USH2A: variants seen among roughly 807,000 people sequenced by gnomAD.
USH2A encodes Usher syndrome 2A (autosomal recessive, mild).
In USH2A, 443 loss-of-function variants were observed where a neutral mutation model predicts 538.9. The ratio of observed to expected loss-of-function variants is 0.82; its 90% CI spans 0.76 to 0.89. USH2A has a LOEUF of 0.89. Among genes scored for constraint, USH2A ranks in the 40% least tolerant of loss-of-function variants. The pLI is 0.00. For missense variants in USH2A, 6,633 were observed against 6,324.8 expected (o/e 1.05, Z -1.65); for synonymous variants, 2,413 against 2,273.5 (o/e 1.06, Z -1.75).
Position 215,900,855 on chromosome 1 carries a change from G to A in USH2A, c.7351C>T (p.Leu2451Phe), listed in dbSNP as rs753696702. The A allele has an allele frequency of 1.2e-6, 2 of 1,613,672 alleles. No homozygotes were observed. Among genetic ancestry groups the A allele is most frequent in the South Asian group, 1.1e-5 (1 of 91,086 alleles). Residue 2451 changes from leucine to phenylalanine, a missense_variant, in exon 39 of 72, where the codon CTT becomes TTT. Physicochemically the swap from Leu to Phe is conservative, Grantham distance 22 (BLOSUM62 0). Coordinates refer to ENST00000307340, the MANE Select transcript of USH2A (RefSeq NM_206933.4). ...GCTGGTGTAGACCAGACAACCTGAA[G>A]ACTGGTTGGAGTGGCAGATGAAAGC... ...PRLSSATPTSLQVVWSTPARN... is the reference protein window; with the variant it reads ...PRLSSATPTSFQVVWSTPARN...
At chr1:216,207,500 A>G in intron 15 of USH2A, 69 bp from the exon 16 acceptor site, 1 of 1,587,894 alleles carries the variant, frequency 6.3e-7, no homozygotes, top group Non-Finnish European at 8.6e-7. Context: ...CTGAAGTAAG[A>G]TATCCAGCAA....
At position 215,996,533 on chromosome 1, in the gene USH2A, C is replaced by A. The variant is rs184385730; in HGVS notation, c.6657+2354G>T. Among the ~76,000 whole-genome samples, 84 of 129,808 alleles carry A rather than the reference C, an allele frequency of 6.5e-4. No individual in the cohort carries two copies. In the East Asian group the frequency reaches 0.019, roughly 29 times the overall value. The allele number at this position is 129,808 out of a possible 152,430, so 85.2% of individuals were successfully genotyped here. On this transcript the variant is annotated intron_variant, in intron 34 of 71. Transcript: ENST00000307340. ...CACATTTTATCACATTTCAAAATAG[C>A]CTTTGTTGAGAGTAGCAACATATTA...
intron 62 of USH2A, among the ~76,000 whole-genome samples, chr1:215,677,931 C>T (rs1465658053): frequency 6.6e-6 from 1 of 152,196 alleles, no homozygotes; most frequent in Admixed American, 6.5e-5. Flanking sequence ...CTAACTTGTT[C>T]ATCTTCCAGT....
chr1:216,011,574 C>T (rs528714589), intron 32 of USH2A, among the ~76,000 whole-genome samples: 1 of 152,174 alleles, frequency 6.6e-6, no homozygotes, highest in East Asian at 1.9e-4. Context: ...GAGCCAGGAC[C>T]ACACCCTGTA....
intron 32 of USH2A, among the ~76,000 whole-genome samples, chr1:216,021,243 A>G (rs988028702): frequency 6.6e-6 from 1 of 152,124 alleles, no homozygotes; most frequent in Non-Finnish European, 1.5e-5. Context: ...CTTGAATTGT[A>G]GCTCCCATAA....
intron 4 of USH2A, among the ~76,000 whole-genome samples, chr1:216,332,550 G>C (rs1259500022): frequency 6.6e-6 from 1 of 152,110 alleles, no homozygotes; most frequent in Non-Finnish European, 1.5e-5. Flanking sequence ...TCTCACCTCA[G>C]CTCGACTTTG....
chr1:215,672,586 C>A (rs1287516327), intron 63 of USH2A, among the ~76,000 whole-genome samples: 5 of 152,104 alleles, frequency 3.3e-5, no homozygotes, highest in Non-Finnish European at 7.3e-5. Flanking sequence ...CTGGGTTATC[C>A]GTGGTAGTTT....
At chr1:216,204,088 T>A (rs2035058904) in intron 16 of USH2A, 2 of 157,306 alleles carry the variant, frequency 1.3e-5, no homozygotes, top group South Asian at 4.1e-4. Context: ...TTTTTATTTT[T>A]AAATTTGATC....
intron 58 of USH2A, 146 bp downstream of exon 58, chr1:215,758,449 G>A (rs1660877017): frequency 2.2e-6 from 2 of 925,734 alleles, no homozygotes; most frequent in Admixed American, 2.3e-5. Flanking sequence ...ACACTTAGAA[G>A]TGTGGTTTAG....
chr1:216,089,542 G>T (rs2032243229), intron 22 of USH2A, among the ~76,000 whole-genome samples: 1 of 152,044 alleles, frequency 6.6e-6, no homozygotes, highest in African/African-American at 2.4e-5. Flanking sequence ...CTCAAAATGA[G>T]TTCTGAAGAT....
intron 21 of USH2A, among the ~76,000 whole-genome samples, chr1:216,122,950 A>C (rs17026117): frequency 0.017 from 2,627 of 152,270 alleles, 72 homozygotes; most frequent in African/African-American, 0.059. Context: ...CAGAAACTCC[A>C]ATTTATTTGA....
rs763441617 is a variant in USH2A, at chr1:215,640,713, A to G, written c.14813T>C (p.Phe4938Ser). The stretch of plus-strand genomic sequence containing the variant: ...CACAGACAAATTGCTGTCCACCGAA[A>G]ATGGGGCTCGGTACTGAGGCACTGT... The part of the protein sequence containing the change: ...QKELPQYRAP[F>S]SVDSNLSVVC... Residue 4938 changes from phenylalanine to serine, a missense_variant, in exon 68 of 72, where the codon TTT becomes TCT. By Grantham distance (155) the Phe-to-Ser change is radical. Coordinates refer to ENST00000307340, the MANE Select transcript of USH2A (RefSeq NM_206933.4). 6.2e-7 allele frequency: 1 copy of G among 1,613,926 alleles called. No homozygotes were observed. Among genetic ancestry groups the G allele is most frequent in the South Asian group, 1.1e-5 (1 of 91,040 alleles).
At chr1:216,227,658 T>C (rs534946608) in intron 14 of USH2A, among the ~76,000 whole-genome samples, 9 of 152,194 alleles carry the variant, frequency 5.9e-5, no homozygotes, top group Non-Finnish European at 1.3e-4. Context: ...TAAAAATGTG[T>C]GACAATGTAG....
chr1:216,147,572 T>C (rs2033736777), intron 21 of USH2A, among the ~76,000 whole-genome samples: 1 of 151,954 alleles, frequency 6.6e-6, no homozygotes, highest in Non-Finnish European at 1.5e-5. Context: ...ATTCTCAAAA[T>C]ACATTTTATT....
At chr1:216,190,901 T>C (rs2034702999) in intron 19 of USH2A, among the ~76,000 whole-genome samples, 1 of 152,068 alleles carries the variant, frequency 6.6e-6, no homozygotes, top group Non-Finnish European at 1.5e-5. Flanking sequence ...CCACGTTAAG[T>C]CAATTCTCAA....
intron 37 of USH2A, among the ~76,000 whole-genome samples, chr1:215,942,410 A>G (rs1410407405): frequency 6.6e-6 from 1 of 152,154 alleles, no homozygotes; most frequent in Non-Finnish European, 1.5e-5. Context: ...AGGAGAGTAA[A>G]CAAGGACATG....
intron 38 of USH2A, among the ~76,000 whole-genome samples, chr1:215,908,893 T>C (rs2102477114): frequency 6.6e-6 from 1 of 151,446 alleles, no homozygotes; most frequent in African/African-American, 2.4e-5. Flanking sequence ...GAACATTGAA[T>C]TTATACTACC....
intron 60 of USH2A, among the ~76,000 whole-genome samples, chr1:215,734,628 G>A (rs1043214989): frequency 2.0e-5 from 3 of 152,146 alleles, no homozygotes; most frequent in Non-Finnish European, 2.9e-5. Context: ...ATTGTAGGCT[G>A]TTAGAAACAG....
At chr1:215,763,485 T>A (rs1271518804) in intron 56 of USH2A, among the ~76,000 whole-genome samples, 4 of 151,974 alleles carry the variant, frequency 2.6e-5, no homozygotes, top group Non-Finnish European at 5.9e-5. Flanking sequence ...GGAACCCACA[T>A]AAAGTCGTAG....
Sources: allele counts gnomAD v4.1 joint callset (sites outside exome capture counted in the v4.1 genomes callset), GRCh38; gene constraint gnomAD v4.1.1; transcripts MANE v1.5; gene names NCBI Gene and HGNC (gene_info 2026-07-23, HGNC 2026-07-21).